Variants in TNNI3K observed in about 807,000 individuals in gnomAD.
TNNI3K encodes TNNI3 interacting kinase.
TNNI3K carries 140 observed loss-of-function variants against 114.5 expected under a neutral mutation model. The observed-to-expected ratio is 1.22, with a 90% CI of 1.07 to 1.41. The LOEUF is 1.41. TNNI3K is among the 40% of genes most tolerant of loss of function. TNNI3K has a pLI of 0.00. For synonymous variants in TNNI3K, 347 were observed against 347.5 expected (o/e 1.00, Z 0.02); for missense variants, 1,125 against 1,007.6 (o/e 1.12, Z -1.58).
intron 16 of TNNI3K, 25 bp from the exon 17 acceptor site, chr1:74,370,263 T>C (rs1336029965): frequency 2.6e-6 from 4 of 1,564,022 alleles, no homozygotes; most frequent in Non-Finnish European, 3.5e-6. Flanking sequence ...ATTTCATCTC[T>C]GTTAAATCTA....
intron 17 of TNNI3K, among the ~76,000 whole-genome samples, chr1:74,397,084 T>C (rs1451995451): frequency 2.6e-5 from 4 of 152,018 alleles, no homozygotes; most frequent in Non-Finnish European, 5.9e-5. Context: ...CTGAAAGTTG[T>C]TGATGAAAGC....
At chr1:74,336,477 T>A (rs1438155684) in intron 7 of TNNI3K, among the ~76,000 whole-genome samples, 1 of 151,392 alleles carries the variant, frequency 6.6e-6, no homozygotes, top group Non-Finnish European at 1.5e-5. Flanking sequence ...ATTAAGTATA[T>A]CTCCCGATGC....
intron 20 of TNNI3K, among the ~76,000 whole-genome samples, chr1:74,445,874 T>A (rs913542965): frequency 6.6e-6 from 1 of 152,134 alleles, no homozygotes; most frequent in African/African-American, 2.4e-5. Flanking sequence ...CCTCCCAAAG[T>A]GCTGGGACTA....
At chr1:74,451,187 A>G (rs9661014) in intron 20 of TNNI3K, among the ~76,000 whole-genome samples, 117,448 of 152,046 alleles carry the variant, frequency 0.77, 46,040 homozygotes, top group Middle Eastern at 0.89. Context: ...ATAAGCGGGA[A>G]CTAAACAATG....
At chr1:74,461,496 A>AGT (rs201265054) in intron 20 of TNNI3K, among the ~76,000 whole-genome samples, 94 of 150,884 alleles carry the variant, frequency 6.2e-4, no homozygotes, top group African/African-American at 2.2e-3. Flanking sequence ...AAAAAAAAAA[A>AGT]AAAGAGTAAC....
intron 5 of TNNI3K, among the ~76,000 whole-genome samples, chr1:74,273,290 A>G (rs1656468705): frequency 6.6e-6 from 1 of 151,936 alleles, no homozygotes; most frequent in African/African-American, 2.4e-5. Flanking sequence ...GATTCATTGT[A>G]AATATAGGTG....
intron 4 of TNNI3K, among the ~76,000 whole-genome samples, chr1:74,265,437 C>T (rs896689183): frequency 1.3e-5 from 2 of 151,858 alleles, no homozygotes; most frequent in Non-Finnish European, 1.5e-5. Flanking sequence ...GTAAGGTCCA[C>T]CCTGAGAAGA....
At chr1:74,306,017 T>C (rs532162491) in intron 5 of TNNI3K, among the ~76,000 whole-genome samples, 1 of 152,292 alleles carries the variant, frequency 6.6e-6, no homozygotes, top group African/African-American at 2.4e-5. Context: ...ACCTCCCTTA[T>C]TCCTCACTTT....
chr1:74,541,013 AC>A (rs1175580161), intron 24 of TNNI3K, among the ~76,000 whole-genome samples: 3 of 152,162 alleles, frequency 2.0e-5, no homozygotes, highest in Non-Finnish European at 4.4e-5. Flanking sequence ...CCTTTTACCA[AC>A]CTTTAAGCCT....
intron 5 of TNNI3K, among the ~76,000 whole-genome samples, chr1:74,309,185 G>A (rs903242171): frequency 6.7e-6 from 1 of 150,066 alleles, no homozygotes; most frequent in South Asian, 2.1e-4. Flanking sequence ...TGGCTAACAC[G>A]GTGAAACCCC....
intron 7 of TNNI3K, among the ~76,000 whole-genome samples, chr1:74,337,426 A>G (rs1258335565): frequency 1.3e-5 from 2 of 151,942 alleles, no homozygotes; most frequent in Admixed American, 1.3e-4. Context: ...GTCCTTGCCC[A>G]TGCCTATGTC....
chr1:74,502,477 T>C (rs538906728), intron 23 of TNNI3K, among the ~76,000 whole-genome samples: 17 of 152,348 alleles, frequency 1.1e-4, no homozygotes, highest in Admixed American at 3.9e-4. Context: ...ATAATTTAAT[T>C]TGGGCCTGTC....
At position 74,235,508 on chromosome 1, in the gene TNNI3K, T is replaced by C; in HGVS notation, c.40+17T>C. On this transcript the variant is annotated intron_variant, in intron 1 of 24. Transcript: ENST00000326637. The stretch of plus-strand genomic sequence containing the variant: ...CTTGTACTGGTAATTATTCTAATTA[T>C]TCTTATTTCCTTAAGTGTAATATGG... 2 of 1,318,902 alleles carry C rather than the reference T, an allele frequency of 1.5e-6. No individual in the cohort carries two copies. Among genetic ancestry groups the C allele is most frequent in the East Asian group, 4.8e-5 (2 of 41,800 alleles). The allele number at this position is 1,318,902 out of a possible 1,614,324, so 81.7% of individuals were successfully genotyped here.
At chr1:74,467,837 T>C (rs900744974) in intron 21 of TNNI3K, among the ~76,000 whole-genome samples, 2 of 152,092 alleles carry the variant, frequency 1.3e-5, no homozygotes, top group African/African-American at 4.8e-5. Flanking sequence ...AATTAAAATC[T>C]CTCAGATGGA....
At chr1:74,440,558 T>A (rs1016905025) in intron 20 of TNNI3K, among the ~76,000 whole-genome samples, 2 of 151,872 alleles carry the variant, frequency 1.3e-5, no homozygotes, top group African/African-American at 4.8e-5. Flanking sequence ...TCTCATCTCA[T>A]ACTCTATTTT....
At chr1:74,284,921 A>AT (rs912683077) in intron 5 of TNNI3K, among the ~76,000 whole-genome samples, 19 of 152,138 alleles carry the variant, frequency 1.2e-4, no homozygotes, top group Admixed American at 3.9e-4. Flanking sequence ...ATAGTTAAAG[A>AT]TTTTTTTTCT....
chr1:74,361,889 A>G (rs1169055435), intron 11 of TNNI3K, among the ~76,000 whole-genome samples: 5 of 152,282 alleles, frequency 3.3e-5, no homozygotes, highest in Non-Finnish European at 7.4e-5. Context: ...GTTTGGATAT[A>G]AAAATATCTT....
chr1:74,455,677 T>C (rs1200766628), intron 20 of TNNI3K, among the ~76,000 whole-genome samples: 1 of 152,096 alleles, frequency 6.6e-6, no homozygotes, highest in Non-Finnish European at 1.5e-5. Flanking sequence ...AGTTCCAGAC[T>C]CTGAAGGCCC....
At chr1:74,407,766 C>A (rs906552191) in intron 17 of TNNI3K, among the ~76,000 whole-genome samples, 4 of 151,998 alleles carry the variant, frequency 2.6e-5, no homozygotes, top group Non-Finnish European at 4.4e-5. Context: ...AATTTAGAAC[C>A]TTTTTCTAGG....
Sources: gnomAD v4.1 joint callset for allele counts (sites outside exome capture counted in the v4.1 genomes callset) on GRCh38, gnomAD v4.1.1 for gene constraint, MANE v1.5 for transcripts, NCBI Gene and HGNC (gene_info 2026-07-23, HGNC 2026-07-21) for gene names.